Variants in OR9Q1 observed in about 807,000 individuals in gnomAD.
OR9Q1 encodes the protein olfactory receptor 9Q1.
For missense variants in OR9Q1, 374 were observed against 378.8 expected (o/e 0.99, Z 0.11); for synonymous variants, 153 against 148.6 (o/e 1.03, Z -0.22).
At chr11:58,092,014 C>T (rs556726872) in intron 2 of OR9Q1, among the ~76,000 whole-genome samples, 2 of 151,752 alleles carry the variant, frequency 1.3e-5, no homozygotes, top group East Asian at 3.9e-4. Flanking sequence ...TTCCTCCATC[C>T]CTTTATTTTG....
chr11:58,162,133 G>A (rs765233608), intron 2 of OR9Q1, among the ~76,000 whole-genome samples: 2 of 151,326 alleles, frequency 1.3e-5, no homozygotes, highest in Non-Finnish European at 2.9e-5. Flanking sequence ...TCTTGAAGAA[G>A]GTTCCTAACA....
At position 58,064,935 on chromosome 11, in the gene OR9Q1, G is replaced by A. The variant is rs1001132831; in HGVS notation, c.-15+8988G>A. ...ACACATACACACACACAACACACAC[G>A]CACACAAGCAGATAGACTTAGAGAA... is the stretch of plus-strand genomic sequence containing the variant. On this transcript the variant is annotated intron_variant, in intron 2 of 2. Transcript: ENST00000335397. 5.0e-4 allele frequency among the ~76,000 whole-genome samples: 76 copies of A among 151,868 alleles called. 1 individual carries two copies. The highest frequency in any genetic ancestry group is 1.6e-3 in the African/African-American group (65 of 41,426).
intron 2 of OR9Q1, among the ~76,000 whole-genome samples, chr11:58,167,441 T>C (rs1276134721): frequency 6.6e-6 from 1 of 152,200 alleles, no homozygotes; most frequent in Admixed American, 6.5e-5. Flanking sequence ...TTACTTTTCT[T>C]ATGTATCTTG....
At chr11:58,123,770 C>T (rs1854060246) in intron 2 of OR9Q1, among the ~76,000 whole-genome samples, 1 of 152,056 alleles carries the variant, frequency 6.6e-6, no homozygotes, top group Admixed American at 6.6e-5. Context: ...AGATCCAAGC[C>T]CCAAACCTTT....
chr11:58,123,294 T>C (rs1854054263), intron 2 of OR9Q1, among the ~76,000 whole-genome samples: 1 of 152,236 alleles, frequency 6.6e-6, no homozygotes, highest in East Asian at 1.9e-4. Context: ...CTGCAGTTAA[T>C]CAGAGCTTTT....
intron 2 of OR9Q1, among the ~76,000 whole-genome samples, chr11:58,078,033 T>A (rs1309562290): frequency 1.3e-5 from 2 of 152,164 alleles, no homozygotes; most frequent in Non-Finnish European, 2.9e-5. Context: ...GGTGCATGCC[T>A]GTAATTCCAG....
Position 58,154,256 on chromosome 11 carries a change from A to C in OR9Q1, c.-14-25175A>C, listed in dbSNP as rs191171242. Among the ~76,000 whole-genome samples, 720 of 152,050 alleles carry C rather than the reference A, an allele frequency of 4.7e-3. 22 individuals are homozygous for C. The highest frequency in any genetic ancestry group is 1.0e-3 in the Non-Finnish European group (68 of 67,980). On this transcript the variant is annotated intron_variant, in intron 2 of 2. Transcript: ENST00000335397. ...ACTGAAACTCCCTTGTGCATAAAGA[A>C]ATTAAGAGTTTGAGAACTCTACTCT...
chr11:58,173,286 C>T (rs1301290348), intron 2 of OR9Q1, among the ~76,000 whole-genome samples: 1 of 108,836 alleles, frequency 9.2e-6, no homozygotes, highest in Non-Finnish European at 1.8e-5. Flanking sequence ...TCCCTCCCCC[C>T]TCCCCCCACC....
intron 2 of OR9Q1, among the ~76,000 whole-genome samples, chr11:58,152,149 C>T (rs947808249): frequency 4.6e-5 from 7 of 151,988 alleles, no homozygotes; most frequent in Admixed American, 1.3e-4. Context: ...TATGAGGACC[C>T]GGGGAGGTGC....
At chr11:58,125,332 A>G (rs1323547573) in intron 2 of OR9Q1, 1 of 148,008 alleles carries the variant, frequency 6.8e-6, no homozygotes, top group Non-Finnish European at 1.5e-5. Flanking sequence ...TCAGATGACA[A>G]CTTCTGATGA....
chr11:58,053,631 T>TTATATATATATATAAA (rs1554965499), intron 1 of OR9Q1, among the ~76,000 whole-genome samples: 1 of 29,394 alleles, frequency 3.4e-5, no homozygotes, highest in Admixed American at 3.5e-4. Context: ...ATATATAAAA[T>TTATATATATATATAAA]ATATATATAT....
intron 1 of OR9Q1, among the ~76,000 whole-genome samples, chr11:58,054,111 C>T (rs1257140849): frequency 2.6e-5 from 4 of 152,066 alleles, no homozygotes; most frequent in Non-Finnish European, 5.9e-5. Flanking sequence ...TGAATACATA[C>T]AATTTTTATT....
chr11:58,179,834 G>A lies in OR9Q1; in HGVS notation c.390G>A (p.Leu130=). ...YDRYLAVCQP[L]LYVTILTQQA... ...GCTACTTGGCTGTGTGCCAGCCCCT[G>A]CTTTATGTCACCATCCTGACACAGC... Residue 130 remains leucine, a synonymous_variant, in exon 3 of 3, where the codon CTG becomes CTA. Coordinates refer to ENST00000335397, the MANE Select transcript of OR9Q1 (RefSeq NM_001005212.4). 6.2e-7 allele frequency: 1 copy of A among 1,614,186 alleles called. No individual in the cohort carries two copies. Among genetic ancestry groups the A allele is most frequent in the Non-Finnish European group, 8.5e-7 (1 of 1,180,014 alleles).
At chr11:58,068,317 G>A (rs1853449903) in intron 2 of OR9Q1, among the ~76,000 whole-genome samples, 1 of 151,116 alleles carries the variant, frequency 6.6e-6, no homozygotes, top group African/African-American at 2.4e-5. Flanking sequence ...TTGCACTCCA[G>A]TCTGGGTGAC....
At chr11:58,142,133 T>C (rs181244879) in intron 2 of OR9Q1, among the ~76,000 whole-genome samples, 3 of 152,294 alleles carry the variant, frequency 2.0e-5, no homozygotes, top group African/African-American at 2.4e-5. Context: ...TTAATATCCT[T>C]ATCCTTACTT....
At chr11:58,134,438 C>A (rs17460976) in intron 2 of OR9Q1, among the ~76,000 whole-genome samples, 26,180 of 152,154 alleles carry the variant, frequency 0.17, 2,395 homozygotes, top group Non-Finnish European at 0.21. Context: ...GACTCTCTTA[C>A]CTCATCTCTA....
intron 1 of OR9Q1, among the ~76,000 whole-genome samples, chr11:58,038,945 C>CT (rs1853133336): frequency 1.3e-5 from 2 of 151,978 alleles, no homozygotes; most frequent in Non-Finnish European, 2.9e-5. Flanking sequence ...AATGCTACAG[C>CT]TTTGTTCCTC....
At chr11:58,178,557 T>A (rs529976907) in intron 2 of OR9Q1, among the ~76,000 whole-genome samples, 1 of 152,228 alleles carries the variant, frequency 6.6e-6, no homozygotes, top group African/African-American at 2.4e-5. Context: ...GAGGATTTGA[T>A]ATCAGGGAGG....
At position 58,151,041 on chromosome 11, in the gene OR9Q1, G is replaced by T. The variant is rs148429603; in HGVS notation, c.-14-28390G>T. ...TTGTTCTAAGAGTTTTGTCATTTTA[G>T]CCTTTATGTTTAGGTATTTTATCCA... On this transcript the variant is annotated intron_variant, in intron 2 of 2. Transcript: ENST00000335397. 8.5e-4 allele frequency among the ~76,000 whole-genome samples: 129 copies of T among 152,226 alleles called. 2 individuals are homozygous for T. The East Asian group carries it at 0.024, about 28-fold the overall frequency.
Sources: gnomAD v4.1 joint callset for allele counts (sites outside exome capture counted in the v4.1 genomes callset) on GRCh38, gnomAD v4.1.1 for gene constraint, MANE v1.5 for transcripts, NCBI Gene and HGNC (gene_info 2026-07-23, HGNC 2026-07-21) for gene names.